The following UGT8 variants were observed in gnomAD, a reference collection of about 807,000 sequenced individuals.
The protein encoded by UGT8 is UDP glycosyltransferase 8.
Under a neutral mutation model 40.5 loss-of-function variants are expected in UGT8, and 12 were observed. That is an observed-to-expected ratio of 0.30 (90% confidence interval 0.19 to 0.48). UGT8 has a LOEUF of 0.48. UGT8 is among the 20% of genes least tolerant of loss of function. The pLI, the probability that UGT8 is intolerant of heterozygous loss-of-function variation, is 0.99. For synonymous variants in UGT8, 224 were observed against 240.4 expected (o/e 0.93, Z 0.63); for missense variants, 513 against 648.7 (o/e 0.79, Z 2.27).
At chr4:114,654,712 G>C (rs759403224) in intron 2 of UGT8, among the ~76,000 whole-genome samples, 9 of 152,114 alleles carry the variant, frequency 5.9e-5, no homozygotes, top group Non-Finnish European at 1.0e-4. Context: ...TTGCAAGAGA[G>C]AGAGAAGTAG....
intron 3 of UGT8, 82 bp downstream of exon 3, chr4:114,664,219 G>A (rs2126132641): frequency 6.8e-7 from 1 of 1,465,482 alleles, no homozygotes; most frequent in African/African-American, 1.4e-5. Flanking sequence ...GTAAAGCACA[G>A]CACATTGTTT....
At chr4:114,611,445 T>A (rs55797762) in intron 1 of UGT8, among the ~76,000 whole-genome samples, 1 of 104,770 alleles carries the variant, frequency 9.5e-6, no homozygotes, top group African/African-American at 5.0e-5. Flanking sequence ...TATATATATA[T>A]ACACACACAC....
rs1381439698 is a variant in UGT8 at position 114,676,997 on chromosome 4, A to G, written c.*709A>G. ...GAAAAACATGTAATTAAGTAAATGT[A>G]TACATTGGTTTTCACGTTTTACTTT... On this transcript the variant is annotated 3_prime_UTR_variant, in exon 6 of 6. Transcript: ENST00000310836. 2 of 151,972 alleles carry G rather than the reference A, an allele frequency of 1.3e-5. No homozygotes were observed. The highest frequency in any genetic ancestry group is 4.8e-5 in the African/African-American group (2 of 41,384). 9.4% of individuals were successfully genotyped at this position (151,972 alleles called of 1,614,324 possible).
At chr4:114,667,749 CTG>C in intron 4 of UGT8, 1 of 357,228 alleles carries the variant, frequency 2.8e-6, no homozygotes, top group Non-Finnish European at 3.9e-6. Context: ...TTTTTTCACT[CTG>C]GTATTGTTTG....
intron 5 of UGT8, 59 bp from the exon 6 acceptor site, chr4:114,675,866 C>A: frequency 6.6e-7 from 1 of 1,513,978 alleles, no homozygotes; most frequent in Non-Finnish European, 8.8e-7. Flanking sequence ...TGAAGATATG[C>A]ATAAATATAG....
At chr4:114,657,827 T>C (rs1216211650) in intron 2 of UGT8, among the ~76,000 whole-genome samples, 1 of 152,178 alleles carries the variant, frequency 6.6e-6, no homozygotes, top group Non-Finnish European at 1.5e-5. Context: ...TCTCATTTAA[T>C]CTCTGCAGTG....
intron 2 of UGT8, among the ~76,000 whole-genome samples, chr4:114,636,369 G>A: frequency 6.6e-6 from 1 of 152,210 alleles, no homozygotes; most frequent in East Asian, 1.9e-4. Context: ...ACACAGCTGT[G>A]TATTTAGCAT....
chr4:114,654,385 A>C (rs1483165897), intron 2 of UGT8, among the ~76,000 whole-genome samples: 1 of 152,066 alleles, frequency 6.6e-6, no homozygotes, highest in Non-Finnish European at 1.5e-5. Context: ...AAGATGCATT[A>C]GAGACATTTC....
chr4:114,645,411 C>T (rs757512766), intron 2 of UGT8, among the ~76,000 whole-genome samples: 1 of 152,102 alleles, frequency 6.6e-6, no homozygotes, highest in Admixed American at 6.6e-5. Context: ...TCATTCAAGT[C>T]GCATAGCGAG....
At chr4:114,600,028 C>G (rs1257333666) in intron 1 of UGT8, among the ~76,000 whole-genome samples, 3 of 152,088 alleles carry the variant, frequency 2.0e-5, no homozygotes, top group Non-Finnish European at 4.4e-5. Context: ...CTTTCAGCAT[C>G]TAGGCGGGGA....
chr4:114,613,767 G>A (rs1731226115), intron 1 of UGT8, among the ~76,000 whole-genome samples: 1 of 152,040 alleles, frequency 6.6e-6, no homozygotes, highest in Admixed American at 6.6e-5. Context: ...GCAGATTCTT[G>A]GGTTTCTCCC....
chr4:114,674,112 A>G (rs1735469988), intron 5 of UGT8, among the ~76,000 whole-genome samples: 1 of 152,220 alleles, frequency 6.6e-6, no homozygotes, highest in Non-Finnish European at 1.5e-5. Context: ...AAATCATAAA[A>G]AATAAAGGCT....
intron 1 of UGT8, among the ~76,000 whole-genome samples, chr4:114,607,134 G>A (rs1165473250): frequency 6.6e-6 from 1 of 152,084 alleles, no homozygotes; most frequent in Non-Finnish European, 1.5e-5. Context: ...TTCTCATTCT[G>A]CCCCTGAAGC....
chr4:114,609,319 A>G (rs1217171755), intron 1 of UGT8, among the ~76,000 whole-genome samples: 1 of 152,254 alleles, frequency 6.6e-6, no homozygotes, highest in Non-Finnish European at 1.5e-5. Context: ...TAAGCTAGGT[A>G]AGATTATTAA....
chr4:114,611,411 T>C (rs1383918557), intron 1 of UGT8, among the ~76,000 whole-genome samples: 2 of 19,596 alleles, frequency 1.0e-4, no homozygotes, highest in Non-Finnish European at 1.4e-4. Flanking sequence ...TCCATATATA[T>C]ATATATATAT....
intron 2 of UGT8, among the ~76,000 whole-genome samples, chr4:114,641,038 TCTA>T (rs2126113661): frequency 6.6e-6 from 1 of 152,310 alleles, no homozygotes; most frequent in South Asian, 2.1e-4. Context: ...GTGGAGAAGT[TCTA>T]CTAAACTTTT....
chr4:114,610,870 A>T (rs527290175), intron 1 of UGT8, among the ~76,000 whole-genome samples: 1 of 152,306 alleles, frequency 6.6e-6, no homozygotes, highest in East Asian at 1.9e-4. Flanking sequence ...TTAAAAATAC[A>T]TTTAAACTAG....
chr4:114,601,278 A>G (rs529177173), intron 1 of UGT8, among the ~76,000 whole-genome samples: 2 of 152,306 alleles, frequency 1.3e-5, no homozygotes, highest in East Asian at 1.9e-4. Flanking sequence ...AAAACATTTT[A>G]TTGCACCTTA....
intron 1 of UGT8, among the ~76,000 whole-genome samples, chr4:114,606,072 T>C (rs1730713134): frequency 6.6e-6 from 1 of 152,152 alleles, no homozygotes; most frequent in Non-Finnish European, 1.5e-5. Context: ...ATGGGTTTAA[T>C]TAAGCAGATA....
Sources: gnomAD v4.1 joint callset for allele counts (sites outside exome capture counted in the v4.1 genomes callset) on GRCh38, gnomAD v4.1.1 for gene constraint, MANE v1.5 for transcripts, NCBI Gene and HGNC (gene_info 2026-07-23, HGNC 2026-07-21) for gene names.